The following LRIG3 variants were observed in gnomAD, a reference collection of about 807,000 sequenced individuals.
LRIG3 encodes the protein leucine rich repeats and immunoglobulin like domains 3.
LRIG3 carries 76 observed loss-of-function variants against 114.5 expected under a neutral mutation model. The ratio of observed to expected loss-of-function variants is 0.66; its 90% CI spans 0.55 to 0.80. The LOEUF is 0.80. Ranked by LOEUF, LRIG3 falls within the 30% of genes least tolerant of loss-of-function variation. The pLI is 0.00. For missense variants in LRIG3, 1,239 were observed against 1,382.8 expected, an observed-to-expected ratio of 0.90 and a Z score of 1.65; for synonymous variants, 512 against 519.8, an observed-to-expected ratio of 0.98 and a Z score of 0.20.
Position 58,872,718 on chromosome 12 carries a change from G to A in LRIG3, c.3214C>T (p.His1072Tyr). 26 of 1,614,084 alleles carry A rather than the reference G, an allele frequency of 1.6e-5. No homozygotes were observed. Among genetic ancestry groups the A allele is most frequent in the Non-Finnish European group, 2.2e-5 (26 of 1,179,982 alleles). ...CQPRAFYLKA[H>Y]SSPDLDSGSE... The stretch of plus-strand genomic sequence containing the variant: ...CCAGAGTCCAAGTCTGGGGAAGAAT[G>A]AGCTTTCAAATAAAAGGCTCTTGGC... Residue 1072 changes from histidine to tyrosine, a missense_variant, in exon 19 of 19, where the codon CAT (histidine) becomes TAT (tyrosine). Transcript: ENST00000320743.
chr12:58,875,783 T>C (rs776413675), intron 16 of LRIG3, among the ~76,000 whole-genome samples: 26 of 152,364 alleles, frequency 1.7e-4, no homozygotes, highest in Middle Eastern at 3.4e-3. Context: ...CTCACGCCTG[T>C]AATCCCAGCA....
rs1871019699 is a variant in LRIG3 at position 58,878,863 on chromosome 12, C to T, written c.2044G>A (p.Ala682Thr). 1.2e-6 allele frequency: 2 copies of T among 1,614,070 alleles called. No individual in the cohort carries two copies. Among genetic ancestry groups the T allele is most frequent in the Non-Finnish European group, 1.7e-6 (2 of 1,180,036 alleles). The part of the protein sequence containing the change: ...GVYSCTAQNS[A>T]GSISANATLT... ...GTTGCATTTGCTGAAATACTTCCTGCACTGTTCTGAGCTGTGCAGCTGTAT... is the reference window on the plus strand; with the variant it reads ...GTTGCATTTGCTGAAATACTTCCTGTACTGTTCTGAGCTGTGCAGCTGTAT... Residue 682 changes from alanine to threonine, a missense_variant, in exon 14 of 19, where the codon GCA (alanine) becomes ACA (threonine). Transcript: ENST00000320743.
intron 16 of LRIG3, 139 bp from the exon 17 acceptor site, chr12:58,874,712 A>C: frequency 9.3e-7 from 1 of 1,075,652 alleles, no homozygotes; most frequent in South Asian, 1.6e-5. Context: ...AAAAATTTAC[A>C]GTAGGGTTTT....
At chr12:58,898,133 C>T (rs145267102) in intron 3 of LRIG3, among the ~76,000 whole-genome samples, 46 of 152,314 alleles carry the variant, frequency 3.0e-4, no homozygotes, top group Non-Finnish European at 5.9e-4. Context: ...AGCCAGAAAG[C>T]GTAAACATAA....
rs180976025 is a variant in LRIG3, at chr12:58,889,835, G to A, written c.659+161C>T. The stretch of plus-strand genomic sequence containing the variant: ...CACGAGGTGACGAGATGATGTTTAA[G>A]GCTCTTTCCAATTTGGAGATTCTAC... On this transcript the variant is annotated intron_variant, in intron 5 of 18. Transcript: ENST00000320743. 2.0e-5 allele frequency among the ~76,000 whole-genome samples: 3 copies of A among 152,204 alleles called. No homozygotes were observed. The East Asian group carries it at 5.8e-4, about 29-fold the overall frequency.
chr12:58,904,627 T>C (rs1462330967), intron 3 of LRIG3, among the ~76,000 whole-genome samples: 35 of 152,318 alleles, frequency 2.3e-4, no homozygotes. Context: ...AATGGGTCAT[T>C]GTCAAATCTA....
At chr12:58,889,969 C>A in intron 5 of LRIG3, 27 bp downstream of exon 5, 1 of 1,608,068 alleles carries the variant, frequency 6.2e-7, no homozygotes, top group Non-Finnish European at 8.5e-7. Flanking sequence ...AGGTGAGAAA[C>A]AGTATCTAAG....
In LRIG3 at chr12:58,890,238, A is replaced by G. The variant is rs963800511; in HGVS notation, c.516-99T>C. ...GAAGGAGTCTCCAGAGAACTTAACC[A>G]TCAATGGAAACTTAAAATAATTACT... On this transcript the variant is annotated intron_variant, in intron 4 of 18. Coordinates refer to ENST00000320743, the MANE Select transcript of LRIG3 (RefSeq NM_153377.5). The G allele has an allele frequency of 4.0e-6, 5 of 1,235,632 alleles. No individual in the cohort carries two copies. In the African/African-American group the frequency reaches 4.6e-5, roughly 11 times the overall value. 76.5% of individuals were successfully genotyped at this position (1,235,632 alleles called of 1,614,324 possible).
At chr12:58,874,690 C>T (rs1565612745) in intron 16 of LRIG3, 117 bp from the exon 17 acceptor site, 1 of 1,389,898 alleles carries the variant, frequency 7.2e-7, no homozygotes, top group South Asian at 1.4e-5. Flanking sequence ...ATCATATAGA[C>T]AAAAAAATTG....
At chr12:58,919,604 C>T in intron 1 of LRIG3, 1 of 1,512,772 alleles carries the variant, frequency 6.6e-7, no homozygotes, top group Non-Finnish European at 8.8e-7. Context: ...GAACCAGACT[C>T]ATAACTCAGC....
At chr12:58,914,815 C>T (rs1030897021) in intron 1 of LRIG3, among the ~76,000 whole-genome samples, 15 of 152,276 alleles carry the variant, frequency 9.9e-5, no homozygotes, top group African/African-American at 2.2e-4. Context: ...TGTTTCTCTG[C>T]GTTAAAGCAC....
At chr12:58,883,162 T>C in intron 11 of LRIG3, 130 bp from the exon 12 acceptor site, 3 of 822,584 alleles carry the variant, frequency 3.6e-6, no homozygotes, top group Non-Finnish European at 5.5e-6. Context: ...GGAATAAGTA[T>C]CCCACAGTCC....
rs967945277 is a variant in LRIG3 at position 58,920,239 on chromosome 12, G to T, written c.-4C>A. On this transcript the variant is annotated 5_prime_UTR_variant, in exon 1 of 19. Coordinates refer to ENST00000320743, the MANE Select transcript of LRIG3 (RefSeq NM_153377.5). Reference sequence around the variant, plus strand: ...CACGGAGGCTCGGCGCGCTCATCGCGGTCCAGCGGCCTAGGTCTCTACCCG... The same window carrying T: ...CACGGAGGCTCGGCGCGCTCATCGCTGTCCAGCGGCCTAGGTCTCTACCCG... 1.8e-5 allele frequency: 25 copies of T among 1,376,076 alleles called. No individual in the cohort carries two copies. The highest frequency in any genetic ancestry group is 2.3e-5 in the Non-Finnish European group (25 of 1,075,016). 85.2% of individuals were successfully genotyped at this position (1,376,076 alleles called of 1,614,324 possible).
chr12:58,920,385 TC>T lies in LRIG3; in HGVS notation c.-151del, dbSNP rs1872631790. ...CTGCCCGGTCAATTCCTTCTTTTACTCCCGGCGGCGAAGCCCTTTCATGCCC... is the reference window on the plus strand; with the variant it reads ...CTGCCCGGTCAATTCCTTCTTTTACTCCGGCGGCGAAGCCCTTTCATGCCC... On this transcript the variant is annotated 5_prime_UTR_variant, in exon 1 of 19. The change abolishes the stop of an existing upstream ORF in the 5' untranslated region. Transcript: ENST00000320743. 3 of 517,212 alleles carry T rather than the reference TC, an allele frequency of 5.8e-6. No individual in the cohort carries two copies. Among genetic ancestry groups the T allele is most frequent in the Non-Finnish European group, 9.2e-6 (3 of 326,360 alleles). The allele number at this position is 517,212 out of a possible 1,614,324, so 32.0% of individuals were successfully genotyped here.
At chr12:58,886,507 A>C (rs1460955900) in intron 9 of LRIG3, among the ~76,000 whole-genome samples, 1 of 152,088 alleles carries the variant, frequency 6.6e-6, no homozygotes, top group Non-Finnish European at 1.5e-5. Context: ...TGCCTGCACT[A>C]ACTTTTACGC....
intron 1 of LRIG3, chr12:58,919,629 C>A: frequency 6.8e-7 from 1 of 1,462,312 alleles, no homozygotes; most frequent in Admixed American, 2.2e-5. Context: ...ACTGCAAACT[C>A]CTGATGTGTG....
rs1228525665 is a variant in LRIG3 at position 58,872,818 on chromosome 12, TGAAA to T, written c.3116-6_3116-3del. The T allele has an allele frequency of 1.1e-5, 18 of 1,609,158 alleles. No homozygotes were observed. Among genetic ancestry groups the T allele is most frequent in the African/African-American group, 6.7e-5 (5 of 74,590 alleles). ...TCCTGAGAGCTTTTCCAAAGGTACC[TGAAA>T]GAAAGAAACACCTTGAGCACATGGG... On this transcript the variant is annotated splice_region_variant and splice_polypyrimidine_tract_variant and intron_variant, in intron 18 of 18. Transcript: ENST00000320743.
rs753447814 is a variant in LRIG3 at position 58,874,235 on chromosome 12, C to G, written c.2935G>C (p.Glu979Gln). The G allele has an allele frequency of 6.2e-7, 1 of 1,614,198 alleles. No homozygotes were observed. The highest frequency in any genetic ancestry group is 1.1e-5 in the South Asian group (1 of 91,090). ...TTACTGAAGCTCCGTTCGCAGGATT[C>G]TTCTGAAGGATGAGAACATGGGTAG... is the stretch of plus-strand genomic sequence containing the variant. ...ECYPCSHPSE[E>Q]SCERSFSNIS... is the part of the protein sequence containing the mutation. Residue 979 changes from glutamate to glutamine, a missense_variant, in exon 18 of 19, where the codon GAA becomes CAA. By Grantham distance (29) the Glu-to-Gln change is conservative. Coordinates refer to ENST00000320743, the MANE Select transcript of LRIG3 (RefSeq NM_153377.5).
intron 1 of LRIG3, among the ~76,000 whole-genome samples, chr12:58,916,530 G>C (rs1181102646): frequency 1.3e-5 from 2 of 151,992 alleles, no homozygotes; most frequent in Admixed American, 1.3e-4. Context: ...TGTTTTTATG[G>C]CTAGACCATT....
Sources: gnomAD v4.1 joint callset for allele counts (sites outside exome capture counted in the v4.1 genomes callset) on GRCh38, gnomAD v4.1.1 for gene constraint, MANE v1.5 for transcripts, NCBI Gene and HGNC (gene_info 2026-07-23, HGNC 2026-07-21) for gene names.